Variants in NRXN1 observed in about 807,000 individuals in gnomAD.
The protein encoded by NRXN1 is neurexin 1, also known as neurexin-1.
NRXN1 carries 39 observed loss-of-function variants against 150.9 expected under a neutral mutation model. That is an observed-to-expected ratio of 0.26 (90% CI 0.20 to 0.34). The LOEUF (loss-of-function observed/expected upper bound fraction) is 0.34, where lower values mean the gene tolerates loss of function less well. Ranked by LOEUF, NRXN1 falls within the 10% of genes least tolerant of loss-of-function variation. The probability of loss-of-function intolerance (pLI) is 1.00; values close to 1 mark genes in which losing one functional copy is unlikely to be tolerated. For synonymous variants in NRXN1, 924 were observed against 757.0 expected (o/e 1.22, Z -3.62); for missense variants, 1,815 against 1,949.9 (o/e 0.93, Z 1.30).
chr2:50,680,025 G>C (rs1690143446), intron 5 of NRXN1, among the ~76,000 whole-genome samples: 1 of 151,908 alleles, frequency 6.6e-6, no homozygotes, highest in Admixed American at 6.6e-5. Flanking sequence ...CTAGCTTGGT[G>C]GGGGTTGGGG....
intron 5 of NRXN1, among the ~76,000 whole-genome samples, chr2:50,699,864 A>G (rs1693477820): frequency 6.6e-6 from 1 of 152,152 alleles, no homozygotes; most frequent in African/African-American, 2.4e-5. Context: ...ACCATAGGAA[A>G]GTAATAAAGC....
chr2:50,362,526 C>A (rs1360398505), intron 17 of NRXN1, among the ~76,000 whole-genome samples: 1 of 152,098 alleles, frequency 6.6e-6, no homozygotes, highest in African/African-American at 2.4e-5. Flanking sequence ...CCTATGAATA[C>A]AACTTACAAG....
At chr2:50,323,063 A>G (rs2076153718) in intron 17 of NRXN1, among the ~76,000 whole-genome samples, 1 of 152,240 alleles carries the variant, frequency 6.6e-6, no homozygotes, top group African/African-American at 2.4e-5. Flanking sequence ...GTCAGCTCAT[A>G]GGTCATATCC....
chr2:50,634,170 G>A (rs910824594), intron 5 of NRXN1, among the ~76,000 whole-genome samples: 1 of 152,194 alleles, frequency 6.6e-6, no homozygotes, highest in African/African-American at 2.4e-5. Flanking sequence ...AGCTACTAGA[G>A]TTTTATAGTT....
At chr2:50,827,455 A>G (rs1213066502) in intron 5 of NRXN1, among the ~76,000 whole-genome samples, 2 of 152,190 alleles carry the variant, frequency 1.3e-5, no homozygotes, top group African/African-American at 4.8e-5. Context: ...CATTACTCTT[A>G]AAAGCAATAC....
At chr2:50,250,272 T>C (rs753289079) in intron 17 of NRXN1, among the ~76,000 whole-genome samples, 71 of 152,110 alleles carry the variant, frequency 4.7e-4, no homozygotes, top group Non-Finnish European at 9.1e-4. Flanking sequence ...TCCCAAATAC[T>C]CCCAAATTAT....
chr2:50,240,895 T>A (rs370519583), intron 17 of NRXN1, among the ~76,000 whole-genome samples: 1 of 151,840 alleles, frequency 6.6e-6, no homozygotes, highest in African/African-American at 2.4e-5. Flanking sequence ...GTGTGTGCTG[T>A]AAAAATATAA....
intron 4 of NRXN1, 97 bp from the exon 5 acceptor site, chr2:50,921,977 A>G (rs1686111183): frequency 1.7e-6 from 1 of 584,386 alleles, no homozygotes; most frequent in Non-Finnish European, 2.8e-6. Flanking sequence ...ACATATGTAA[A>G]GCCACTACTC....
At chr2:50,650,801 TAA>T (rs915091874) in intron 5 of NRXN1, among the ~76,000 whole-genome samples, 4 of 152,074 alleles carry the variant, frequency 2.6e-5, no homozygotes, top group African/African-American at 9.7e-5. Context: ...TGTTGACTTT[TAA>T]ACCAAAAATG....
chr2:50,987,287 A>G (rs1697875533), intron 2 of NRXN1, among the ~76,000 whole-genome samples: 1 of 151,978 alleles, frequency 6.6e-6, no homozygotes, highest in Non-Finnish European at 1.5e-5. Flanking sequence ...AAAAAGTATT[A>G]ACAATAAAAT....
intron 21 of NRXN1, among the ~76,000 whole-genome samples, chr2:49,955,343 T>A (rs945027983): frequency 6.6e-6 from 1 of 152,162 alleles, no homozygotes; most frequent in East Asian, 1.9e-4. Flanking sequence ...CCTTATAACA[T>A]CTCTAGAAGT....
intron 18 of NRXN1, among the ~76,000 whole-genome samples, chr2:50,204,439 T>G (rs1352837716): frequency 6.6e-6 from 1 of 152,008 alleles, no homozygotes; most frequent in East Asian, 1.9e-4. Flanking sequence ...CCAATTCAAC[T>G]GTAGCTATTG....
At chr2:50,436,722 C>T (rs2085480522) in intron 17 of NRXN1, among the ~76,000 whole-genome samples, 1 of 152,134 alleles carries the variant, frequency 6.6e-6, no homozygotes, top group Non-Finnish European at 1.5e-5. Context: ...TTCAGCAATG[C>T]TCATCATATT....
intron 2 of NRXN1, among the ~76,000 whole-genome samples, chr2:50,965,783 T>A (rs1367783607): frequency 6.6e-6 from 1 of 151,606 alleles, no homozygotes; most frequent in African/African-American, 2.4e-5. Flanking sequence ...GAAAACATTA[T>A]ACTATTTTAA....
rs188985483 is a variant in NRXN1 at position 50,643,410 on chromosome 2, G to A, written c.833-19795C>T. ...ATTCTCTTCTGTATACAATTTTTAT[G>A]TGTTTGTTCTTTAAACTTATAAATC... On this transcript the variant is annotated intron_variant, in intron 5 of 22. Coordinates refer to ENST00000401669, the MANE Select transcript of NRXN1 (RefSeq NM_001330078.2). Among the ~76,000 whole-genome samples the A allele has an allele frequency of 6.8e-4, 104 of 152,044 alleles. No individual in the cohort carries two copies. The East Asian group carries it at 0.016, about 24-fold the overall frequency.
chr2:50,168,603 G>A (rs998521484), intron 18 of NRXN1, among the ~76,000 whole-genome samples: 2 of 152,100 alleles, frequency 1.3e-5, no homozygotes, highest in African/African-American at 2.4e-5. Context: ...GAACATTTTT[G>A]AGGTTGCCAG....
At chr2:50,373,680 A>AAGG (rs2080258601) in intron 17 of NRXN1, among the ~76,000 whole-genome samples, 1 of 38,986 alleles carries the variant, frequency 2.6e-5, no homozygotes, top group Non-Finnish European at 4.5e-5. Context: ...GAAAGAAAGA[A>AAGG]AAGAAAGAAG....
At chr2:50,841,122 A>C (rs1345174681) in intron 5 of NRXN1, 1 of 152,630 alleles carries the variant, frequency 6.6e-6, no homozygotes, top group Non-Finnish European at 1.5e-5. Flanking sequence ...CAGGAAAATG[A>C]CATTATGAAT....
chr2:50,898,799 A>T (rs2103925161), intron 5 of NRXN1, among the ~76,000 whole-genome samples: 1 of 152,154 alleles, frequency 6.6e-6, no homozygotes, highest in East Asian at 1.9e-4. Context: ...TAATTAAAAG[A>T]GTAAATTATT....
Sources: allele counts gnomAD v4.1 joint callset (sites outside exome capture counted in the v4.1 genomes callset), GRCh38; gene constraint gnomAD v4.1.1; transcripts MANE v1.5; gene names NCBI Gene and HGNC (gene_info 2026-07-23, HGNC 2026-07-21).